LRBA: variants seen among roughly 807,000 people sequenced by gnomAD.
The protein encoded by LRBA is LPS responsive beige-like anchor protein.
A neutral mutation model predicts 330.0 loss-of-function variants in LRBA; 176 were observed. The ratio of observed to expected loss-of-function variants is 0.53; its 90% confidence interval spans 0.47 to 0.60. The LOEUF is 0.60. Among genes scored for constraint, LRBA ranks in the 20% least tolerant of loss-of-function variants. The pLI is 0.00. For synonymous variants in LRBA, 1,230 were observed against 1,193.0 expected (o/e 1.03, Z -0.64); for missense variants, 3,259 against 3,444.8 (o/e 0.95, Z 1.35).
chr4:150,877,983 T>C (rs1169002455), intron 17 of LRBA, among the ~76,000 whole-genome samples: 2 of 152,072 alleles, frequency 1.3e-5, no homozygotes, highest in African/African-American at 4.8e-5. Flanking sequence ...TTGAAATAAA[T>C]GAAAACAAAG....
chr4:150,790,779 A>G (rs1240601928), intron 34 of LRBA, among the ~76,000 whole-genome samples: 2 of 152,216 alleles, frequency 1.3e-5, no homozygotes, highest in African/African-American at 4.8e-5. Context: ...TACTGCGCAC[A>G]AAATGAATTC....
intron 40 of LRBA, among the ~76,000 whole-genome samples, chr4:150,549,462 G>C (rs915754745): frequency 7.2e-5 from 11 of 151,970 alleles, no homozygotes; most frequent in Non-Finnish European, 1.5e-4. Flanking sequence ...CTCCCGAGTA[G>C]CTGGGACTAC....
At chr4:150,550,189 C>A (rs115617578) in intron 40 of LRBA, among the ~76,000 whole-genome samples, 2 of 152,110 alleles carry the variant, frequency 1.3e-5, no homozygotes, top group Non-Finnish European at 2.9e-5. Context: ...AAACTTTAAA[C>A]ACTGTATTTT....
chr4:150,386,750 T>A (rs1324308415), intron 47 of LRBA, among the ~76,000 whole-genome samples: 1 of 152,156 alleles, frequency 6.6e-6, no homozygotes, highest in Non-Finnish European at 1.5e-5. Flanking sequence ...ATATTTATAA[T>A]AGTATAACAT....
intron 37 of LRBA, among the ~76,000 whole-genome samples, chr4:150,639,781 A>ATATATATATG (rs1778378326): frequency 1.4e-4 from 2 of 14,300 alleles, no homozygotes; most frequent in African/African-American, 9.4e-4. Flanking sequence ...ATATATATAT[A>ATATATATATG]TGTGTGTGTG....
At chr4:150,638,306 C>T (rs528974031) in intron 37 of LRBA, among the ~76,000 whole-genome samples, 21 of 152,260 alleles carry the variant, frequency 1.4e-4, no homozygotes, top group Non-Finnish European at 2.1e-4. Flanking sequence ...GGATTACAGG[C>T]GTAAGCCACC....
chr4:150,396,983 A>C (rs1056786376), intron 47 of LRBA, among the ~76,000 whole-genome samples: 1 of 152,194 alleles, frequency 6.6e-6, no homozygotes, highest in Non-Finnish European at 1.5e-5. Flanking sequence ...CATTATTAAA[A>C]ATAATAACTA....
chr4:150,745,024 A>G (rs992906460), intron 35 of LRBA, among the ~76,000 whole-genome samples: 31 of 152,318 alleles, frequency 2.0e-4, no homozygotes, highest in African/African-American at 7.2e-4. Flanking sequence ...GGAAGTATGG[A>G]CAGCCTGTAG....
intron 46 of LRBA, among the ~76,000 whole-genome samples, chr4:150,417,547 C>T (rs577165177): frequency 6.6e-6 from 1 of 152,164 alleles, no homozygotes; most frequent in East Asian, 1.9e-4. Flanking sequence ...ACCCGCTGCC[C>T]ACTTCCACCC....
intron 4 of LRBA, among the ~76,000 whole-genome samples, chr4:150,923,200 C>A (rs77246336): frequency 3.9e-4 from 45 of 115,236 alleles, no homozygotes; most frequent in South Asian, 5.6e-4. Flanking sequence ...AAAAAAAAAA[C>A]AACTATACTT....
intron 36 of LRBA, among the ~76,000 whole-genome samples, chr4:150,689,844 G>A (rs1204130666): frequency 6.6e-6 from 1 of 152,118 alleles, no homozygotes; most frequent in Non-Finnish European, 1.5e-5. Context: ...AGGATGGCTT[G>A]AGCCCTGGAG....
intron 34 of LRBA, among the ~76,000 whole-genome samples, chr4:150,775,953 A>G (rs192189876): frequency 1.8e-4 from 28 of 152,206 alleles, no homozygotes; most frequent in African/African-American, 6.7e-4. Flanking sequence ...AAAAAAAGAA[A>G]GAAAAATATG....
intron 2 of LRBA, among the ~76,000 whole-genome samples, chr4:150,931,600 CAAAAAAAAA>C (rs367728964): frequency 2.0e-4 from 20 of 98,550 alleles, no homozygotes; most frequent in Non-Finnish European, 3.9e-4. Flanking sequence ...TCTCCATATT[CAAAAAAAAA>C]AAAAAAAAAT....
At chr4:150,571,649 G>GTTTTTTTTT (rs58652637) in intron 40 of LRBA, among the ~76,000 whole-genome samples, 8 of 74,582 alleles carry the variant, frequency 1.1e-4, no homozygotes, top group Admixed American at 4.1e-4. Flanking sequence ...CTGGTTAGTT[G>GTTTTTTTTT]TTTTTTTTTT....
chr4:150,559,754 AAC>A (rs1767931248), intron 40 of LRBA, among the ~76,000 whole-genome samples: 1 of 87,562 alleles, frequency 1.1e-5, no homozygotes, highest in Non-Finnish European at 2.1e-5. Context: ...TAATATATAT[AAC>A]ATTATAGATT....
At chr4:150,777,044 T>A (rs1347912589) in intron 34 of LRBA, among the ~76,000 whole-genome samples, 1 of 150,622 alleles carries the variant, frequency 6.6e-6, no homozygotes, top group Non-Finnish European at 1.5e-5. Context: ...GTACTTTTTT[T>A]AAAGTCAGTT....
At chr4:150,599,158 T>C (rs760111968) in intron 37 of LRBA, 27 bp from the exon 38 acceptor site, 2 of 1,612,264 alleles carry the variant, frequency 1.2e-6, no homozygotes, top group South Asian at 1.1e-5. Context: ...AAGCCACATA[T>C]GTTAGCAATT....
chr4:150,541,049 G>A (rs1213554054), intron 40 of LRBA, among the ~76,000 whole-genome samples: 2 of 152,126 alleles, frequency 1.3e-5, no homozygotes, highest in Non-Finnish European at 2.9e-5. Flanking sequence ...AAATGTTGTA[G>A]GCAGCTTAGA....
chr4:150,684,762 C>G (rs971124862), intron 36 of LRBA, among the ~76,000 whole-genome samples: 3 of 152,114 alleles, frequency 2.0e-5, no homozygotes, highest in African/African-American at 7.2e-5. Flanking sequence ...ACACACATAT[C>G]CTTTGATAGA....
Sources: gnomAD v4.1 joint callset for allele counts (sites outside exome capture counted in the v4.1 genomes callset) on GRCh38, gnomAD v4.1.1 for gene constraint, MANE v1.5 for transcripts, NCBI Gene and HGNC (gene_info 2026-07-23, HGNC 2026-07-21) for gene names.